The following ROPN1L variants were observed in gnomAD, a reference collection of about 807,000 sequenced individuals.
The protein encoded by ROPN1L is rhophilin associated tail protein 1 like, also known as ropporin-1-like protein.
ROPN1L carries 23 observed loss-of-function variants against 22.7 expected under a neutral mutation model. The ratio of observed to expected loss-of-function variants is 1.01; its 90% CI spans 0.73 to 1.43. ROPN1L has a LOEUF of 1.43. Ranked by LOEUF, ROPN1L falls within the 40% of genes most tolerant of loss-of-function variation. The probability of loss-of-function intolerance (pLI) is 0.00; values close to 1 mark genes in which losing one functional copy is unlikely to be tolerated. For missense variants in ROPN1L, 271 were observed against 291.5 expected (o/e 0.93, Z 0.51); for synonymous variants, 116 against 117.8 (o/e 0.98, Z 0.10).
intron 4 of ROPN1L, among the ~76,000 whole-genome samples, chr5:10,471,587 C>T (rs1014228485): frequency 4.6e-5 from 7 of 152,194 alleles, no homozygotes; most frequent in African/African-American, 1.7e-4. Flanking sequence ...AGGGAGGGTG[C>T]AGGCCCCTGG....
chr5:10,448,733 A>T (rs1275786965), intron 2 of ROPN1L, among the ~76,000 whole-genome samples: 1 of 152,210 alleles, frequency 6.6e-6, no homozygotes, highest in African/African-American at 2.4e-5. Flanking sequence ...TCCGTTCTCC[A>T]GGTGTGTGTT....
chr5:10,472,406 G>C (rs1383496876), downstream of ROPN1L, among the ~76,000 whole-genome samples: 2 of 152,198 alleles, frequency 1.3e-5, no homozygotes, highest in Non-Finnish European at 2.9e-5. Context: ...TGGCCAAAGT[G>C]ATTTGCCCAA....
chr5:10,479,918 C>G, the ROPN1L span, among the ~76,000 whole-genome samples: 1 of 152,072 alleles, frequency 6.6e-6, no homozygotes, highest in African/African-American at 2.4e-5. Flanking sequence ...CTAATTTTGT[C>G]TTTTTAGCAG....
chr5:10,468,792 G>C (rs1735197747), downstream of ROPN1L, among the ~76,000 whole-genome samples: 1 of 152,194 alleles, frequency 6.6e-6, no homozygotes, highest in East Asian at 1.9e-4. Flanking sequence ...CTATCACGTG[G>C]AGAGGAGGCC....
chr5:10,454,864 CAG>C (rs1026117388), intron 3 of ROPN1L, among the ~76,000 whole-genome samples: 16 of 152,158 alleles, frequency 1.1e-4, no homozygotes, highest in African/African-American at 3.9e-4. Context: ...TGCCCCAAGG[CAG>C]AGAGAAGCTG....
chr5:10,457,924 G>T (rs1254261049), intron 3 of ROPN1L, among the ~76,000 whole-genome samples: 2 of 152,058 alleles, frequency 1.3e-5, no homozygotes, highest in Non-Finnish European at 2.9e-5. Context: ...CACCTCCGTG[G>T]CTGCTGCAAG....
rs1312856432 is a variant in ROPN1L, at chr5:10,461,302, A to G, written c.536A>G (p.Asp179Gly). 3 of 1,614,072 alleles carry G rather than the reference A, an allele frequency of 1.9e-6. No homozygotes were observed. The Admixed American group carries it at 5.0e-5, about 27-fold the overall frequency. ...GTTTACCGCTACTTGGCCAGATTAG[A>G]CTCAGATGTGTCTCCCTTGGAGACG... ...SYVYRYLARL[D>G]SDVSPLETES... The change falls in exon 4 of 5, where the codon GAC becomes GGC. Residue 179 changes from aspartate (D) to glycine (G), a missense_variant. Transcript: ENST00000274134.
intron 3 of ROPN1L, among the ~76,000 whole-genome samples, chr5:10,451,928 A>AATCCTATCTATCTATCTATCT (rs71613365): frequency 1.3e-5 from 2 of 150,520 alleles, no homozygotes; most frequent in Non-Finnish European, 3.0e-5. Context: ...AACTCTGTGA[A>AATCCTATCTATCTATCTATCT]ATCTATCTAT....
intron 3 of ROPN1L, among the ~76,000 whole-genome samples, chr5:10,454,727 G>A (rs909168148): frequency 8.5e-5 from 13 of 152,172 alleles, no homozygotes; most frequent in African/African-American, 2.4e-4. Context: ...ATCTGAACAC[G>A]GTGCACGCAG....
rs773523032 is a variant in ROPN1L at position 10,464,969 on chromosome 5, A to T, written c.*22A>T. On this transcript the variant is annotated 3_prime_UTR_variant, in exon 5 of 5. Transcript: ENST00000274134. ...TTAATACAGAGAAGAATACATTTTA[A>T]TGTCAAAATAGTGCTCTTTAAAATT... The T allele has an allele frequency of 7.1e-7, 1 of 1,406,986 alleles. No individual in the cohort carries two copies. The highest frequency in any genetic ancestry group is 9.9e-7 in the Non-Finnish European group (1 of 1,014,850). 87.2% of individuals were successfully genotyped at this position (1,406,986 alleles called of 1,614,324 possible).
At chr5:10,455,129 C>T (rs1299216081) in intron 3 of ROPN1L, among the ~76,000 whole-genome samples, 4 of 152,314 alleles carry the variant, frequency 2.6e-5, no homozygotes, top group East Asian at 3.9e-4. Flanking sequence ...CTCAGAACAT[C>T]GCCCCATCCA....
downstream of ROPN1L, among the ~76,000 whole-genome samples, chr5:10,469,422 G>A (rs1015066398): frequency 2.6e-5 from 4 of 152,052 alleles, no homozygotes; most frequent in Admixed American, 6.6e-5. Flanking sequence ...AGGAAGTTGA[G>A]GCCACAGTGA....
At chr5:10,444,047 T>C (rs1008989531) in intron 1 of ROPN1L, among the ~76,000 whole-genome samples, 8 of 152,240 alleles carry the variant, frequency 5.3e-5, no homozygotes, top group Admixed American at 6.5e-5. Flanking sequence ...CCAACTGAGC[T>C]ACTTGTCCAT....
rs1238198419 is a variant in ROPN1L at position 10,457,441 on chromosome 5, T to C, written c.418-3743T>C. On this transcript the variant is annotated intron_variant, in intron 3 of 4. Transcript: ENST00000274134. ...CCCGCCTGGCGGCTGCTAGACATAA[T>C]AAAATGGAGTAGTCACTGGGGTGAG... 5.9e-5 allele frequency among the ~76,000 whole-genome samples: 9 copies of C among 152,278 alleles called. No individual in the cohort carries two copies. The East Asian group carries it at 1.7e-3, about 29-fold the overall frequency.
chr5:10,454,898 A>C (rs1189825550), intron 3 of ROPN1L, among the ~76,000 whole-genome samples: 1 of 152,208 alleles, frequency 6.6e-6, no homozygotes, highest in Non-Finnish European at 1.5e-5. Flanking sequence ...GTGACTTGGA[A>C]GTGGGGAGAG....
At chr5:10,457,905 G>A (rs1054006143) in intron 3 of ROPN1L, among the ~76,000 whole-genome samples, 2 of 152,072 alleles carry the variant, frequency 1.3e-5, no homozygotes, top group African/African-American at 4.8e-5. Flanking sequence ...ATTCCCCAGG[G>A]ATGTCAGCCA....
At position 10,441,943 on chromosome 5, in the gene ROPN1L, T is replaced by A. The variant is rs1579637774; in HGVS notation, c.-225T>A. 3.8e-6 allele frequency: 2 copies of A among 529,192 alleles called. No individual in the cohort carries two copies. Among genetic ancestry groups the A allele is most frequent in the Non-Finnish European group, 6.7e-6 (2 of 296,358 alleles). 32.8% of individuals were successfully genotyped at this position (529,192 alleles called of 1,614,324 possible). A position where few individuals can be genotyped will look rare whatever the true frequency, so the allele number is the denominator to read the frequency against. On this transcript the variant is annotated 5_prime_UTR_variant, in exon 1 of 5. Transcript: ENST00000274134. ...CGGCTGGCGCTAGGGAACTGCAGGG[T>A]CTAGGGTGTTGTCGGAGTGGCAGTT...
At chr5:10,480,763 G>A in the ROPN1L span, among the ~76,000 whole-genome samples, 10 of 152,256 alleles carry the variant, frequency 6.6e-5, no homozygotes, top group African/African-American at 9.6e-5. Flanking sequence ...CAGGCAGCTC[G>A]TGTGCTCATT....
intron 3 of ROPN1L, among the ~76,000 whole-genome samples, chr5:10,455,834 G>GGGTCAGAGGCTTTTAAAAACCAGTGCTC (rs1236795796): frequency 0.013 from 1,876 of 139,592 alleles, 12 homozygotes; most frequent in South Asian, 0.052. Flanking sequence ...AACCAGTGCT[G>GGGTCAGAGGCTTTTAAAAACCAGTGCTC]GGTCAGAGGC....
Sources: gnomAD v4.1 joint callset for allele counts (sites outside exome capture counted in the v4.1 genomes callset) on GRCh38, gnomAD v4.1.1 for gene constraint, MANE v1.5 for transcripts, NCBI Gene and HGNC (gene_info 2026-07-23, HGNC 2026-07-21) for gene names.